The following PRELID3B variants were observed in gnomAD, a reference collection of about 807,000 sequenced individuals.
PRELID3B encodes the protein PRELI domain containing 3B, also known as PRELI domain containing protein 3B.
PRELID3B carries 15 observed loss-of-function variants against 24.0 expected under a neutral mutation model. The observed-to-expected ratio is 0.63, with a 90% CI of 0.42 to 0.96. The LOEUF is 0.96. Ranked by LOEUF, PRELID3B falls within the 40% of genes least tolerant of loss-of-function variation. PRELID3B has a pLI of 0.00. For synonymous variants in PRELID3B, 62 were observed against 76.0 expected, an observed-to-expected ratio of 0.82 and a Z score of 0.96; for missense variants, 189 against 236.0, an observed-to-expected ratio of 0.80 and a Z score of 1.30.
chr20:59,036,654 C>CA lies in PRELID3B; in HGVS notation c.362+35_362+36insT. 3 of 1,576,000 alleles carry CA rather than the reference C, an allele frequency of 1.9e-6. No individual in the cohort carries two copies. The South Asian group carries it at 3.3e-5, about 18-fold the overall frequency. On this transcript the variant is annotated intron_variant, in intron 4 of 5. Coordinates refer to ENST00000355937, the MANE Select transcript of PRELID3B (RefSeq NM_016045.3). ...ACTTGATAAAAAAACCTTAAACACC[C>CA]TTTACGATACATTTGTTAAAATATT...
chr20:59,035,015 C>T lies in PRELID3B; in HGVS notation c.577G>A (p.Glu193Lys). Residue 193 changes from glutamate (E) to lysine (K), a missense_variant, in exon 6 of 6, where the codon GAG becomes AAG. Coordinates refer to ENST00000355937, the MANE Select transcript of PRELID3B (RefSeq NM_016045.3). Reference sequence around the variant, plus strand: ...TCTACCAACTGTCACGATCACTTCTCTGCAAACGCTGCTGCTGCCATTGGA... The same window carrying T: ...TCTACCAACTGTCACGATCACTTCTTTGCAAACGCTGCTGCTGCCATTGGA... ...RTPMAAAAFA[E>K]K 1 of 1,613,356 alleles carries T rather than the reference C, an allele frequency of 6.2e-7. No homozygotes were observed. The highest frequency in any genetic ancestry group is 8.5e-7 in the Non-Finnish European group (1 of 1,179,728).
At chr20:59,037,950 A>T (rs2146392775) in intron 2 of PRELID3B, among the ~76,000 whole-genome samples, 1 of 152,356 alleles carries the variant, frequency 6.6e-6, no homozygotes, top group East Asian at 1.9e-4. Context: ...GCATTATGGT[A>T]AACTGGCATT....
chr20:59,038,699 A>G, intron 1 of PRELID3B, 65 bp from the exon 2 acceptor site: 2 of 1,494,112 alleles, frequency 1.3e-6, no homozygotes, highest in Non-Finnish European at 1.8e-6. Context: ...CATATGAGTT[A>G]AACAATTTTT....
At chr20:59,036,152 C>T in intron 5 of PRELID3B, among the ~76,000 whole-genome samples, 1 of 152,174 alleles carries the variant, frequency 6.6e-6, no homozygotes, top group Non-Finnish European at 1.5e-5. Flanking sequence ...AGCACTTCCT[C>T]AGTGCTGGGC....
At chr20:59,037,152 A>C (rs1174115107) in intron 3 of PRELID3B, 39 bp downstream of exon 3, 1 of 1,472,138 alleles carries the variant, frequency 6.8e-7, no homozygotes, top group Admixed American at 1.7e-5. Flanking sequence ...GAACTCAGCC[A>C]GACAGTTCGA....
rs769816754 is a variant in PRELID3B at position 59,034,972 on chromosome 20, C to G, written c.*35G>C. On this transcript the variant is annotated 3_prime_UTR_variant, in exon 6 of 6. Transcript: ENST00000355937. ...AAATATATAGTCAGTTTGGAGAGAC[C>G]TGGAGTACCCGATGTTGTCTACCAA... 1 of 1,584,956 alleles carries G rather than the reference C, an allele frequency of 6.3e-7. No homozygotes were observed. The highest frequency in any genetic ancestry group is 1.8e-5 in the Admixed American group (1 of 55,346).
chr20:59,035,065 G>C lies in PRELID3B; in HGVS notation c.527C>G (p.Ala176Gly), dbSNP rs201209679. Reference protein sequence around the residue: ...KLNAEIEELTASARGTIRTPM... With the variant: ...KLNAEIEELTGSARGTIRTPM... ...AGTCCTTATGGTTCCTCTTGCTGAG[G>C]CTGTCAGTTCTTCAATCTCAGCATT... The change falls in exon 6 of 6, where the codon GCC becomes GGC. Residue 176 changes from alanine (A) to glycine (G), a missense_variant. Physicochemically the swap from Ala to Gly is moderately conservative, Grantham distance 60. Transcript: ENST00000355937. 2.5e-3 allele frequency: 4,111 copies of C among 1,613,696 alleles called. 9 individuals are homozygous for C. Among genetic ancestry groups the C allele is most frequent in the Non-Finnish European group, 3.2e-3 (3,815 of 1,179,744 alleles).
In PRELID3B at chr20:59,036,506, G is replaced by A. The variant is rs773884458; in HGVS notation, c.430C>T (p.Leu144=). ...GVSLSSYLEG[L]MASTISSNAS... is the part of the protein sequence containing the mutation. ...TTTGAGGATATCGTACTTGCCATCA[G>A]TCCTTCAAGGTAACTGCTGAGGCTA... The change falls in exon 5 of 6, where the codon CTG becomes TTG. Residue 144 remains leucine (L), a synonymous_variant. Coordinates refer to ENST00000355937, the MANE Select transcript of PRELID3B (RefSeq NM_016045.3). 4 of 1,613,994 alleles carry A rather than the reference G, an allele frequency of 2.5e-6. No homozygotes were observed. The highest frequency in any genetic ancestry group is 3.4e-6 in the Non-Finnish European group (4 of 1,179,906).
At chr20:59,037,330 C>A in intron 2 of PRELID3B, 50 bp from the exon 3 acceptor site, 1 of 1,323,258 alleles carries the variant, frequency 7.6e-7, no homozygotes, top group Non-Finnish European at 1.1e-6. Flanking sequence ...AATTTCTTAC[C>A]AAGTCTATCA....
intron 3 of PRELID3B, 87 bp from the exon 4 acceptor site, chr20:59,036,847 T>A: frequency 1.2e-6 from 1 of 850,126 alleles, no homozygotes; most frequent in Non-Finnish European, 1.8e-6. Flanking sequence ...CAAGCCAAAA[T>A]CTTACTAAAC....
At chr20:59,042,152 C>T (rs1031636557) in intron 1 of PRELID3B, among the ~76,000 whole-genome samples, 1 of 152,202 alleles carries the variant, frequency 6.6e-6, no homozygotes, top group African/African-American at 2.4e-5. Context: ...ATTCCAAATC[C>T]AAGGCTCTGC....
At chr20:59,037,488 C>A (rs936782752) in intron 2 of PRELID3B, among the ~76,000 whole-genome samples, 1 of 152,160 alleles carries the variant, frequency 6.6e-6, no homozygotes, top group Non-Finnish European at 1.5e-5. Context: ...AAACTTTTCC[C>A]GGAGGCAATT....
At chr20:59,042,126 C>A (rs1043649268) in intron 1 of PRELID3B, among the ~76,000 whole-genome samples, 1 of 152,216 alleles carries the variant, frequency 6.6e-6, no homozygotes, top group East Asian at 1.9e-4. Context: ...TTGTTACAGC[C>A]AGAGCTAGAC....
At position 59,033,198 on chromosome 20, in the gene PRELID3B, C is replaced by G. The variant is rs570994553; in HGVS notation, c.*1809G>C. 3.9e-5 allele frequency: 6 copies of G among 152,266 alleles called. No homozygotes were observed. In the East Asian group the frequency reaches 9.6e-4, roughly 24 times the overall value. 9.4% of individuals were successfully genotyped at this position (152,266 alleles called of 1,614,324 possible). A position where few individuals can be genotyped will look rare whatever the true frequency, so the allele number is the denominator to read the frequency against. ...AAGTTTTCCTTAATTCACATTTCAA[C>G]TTTATTAAATAGTCCAAGGGTTTCA... On this transcript the variant is annotated 3_prime_UTR_variant, in exon 6 of 6. Transcript: ENST00000355937.
rs1217605865 is a variant in PRELID3B at position 59,033,592 on chromosome 20, TTAAG to T, written c.*1411_*1414del. On this transcript the variant is annotated 3_prime_UTR_variant, in exon 6 of 6. Coordinates refer to ENST00000355937, the MANE Select transcript of PRELID3B (RefSeq NM_016045.3). Reference sequence around the variant, plus strand: ...TAAGAAGTCTTAAGCTAAACAAAATTTAAGTAGGAAAACGATAATTTAAAAATAG... The same window carrying T: ...TAAGAAGTCTTAAGCTAAACAAAATTTAGGAAAACGATAATTTAAAAATAG... 6.6e-6 allele frequency: 1 copy of T among 152,214 alleles called. No homozygotes were observed. Among genetic ancestry groups the T allele is most frequent in the Non-Finnish European group, 1.5e-5 (1 of 68,032 alleles). The allele number at this position is 152,214 out of a possible 1,614,324, so 9.4% of individuals were successfully genotyped here.
At chr20:59,035,774 G>A (rs1202479573) in intron 5 of PRELID3B, among the ~76,000 whole-genome samples, 2 of 152,118 alleles carry the variant, frequency 1.3e-5, no homozygotes, top group African/African-American at 4.8e-5. Flanking sequence ...TTCCACGGGG[G>A]CAGGGACCAC....
chr20:59,034,890 C>CAAAAA lies in PRELID3B; in HGVS notation c.*112_*116dup, dbSNP rs34173406. 233 of 667,270 alleles carry CAAAAA rather than the reference C, an allele frequency of 3.5e-4. No homozygotes were observed. Among genetic ancestry groups the CAAAAA allele is most frequent in the East Asian group, 9.6e-4 (25 of 26,144 alleles). 41.3% of individuals were successfully genotyped at this position (667,270 alleles called of 1,614,324 possible). On this transcript the variant is annotated 3_prime_UTR_variant, in exon 6 of 6. Transcript: ENST00000355937. Reference sequence around the variant, plus strand: ...GTCACATAGCCTTACACCAACTTATCAAAAAAAAAAAAAAAAAAACTACCC... The same window carrying CAAAAA: ...GTCACATAGCCTTACACCAACTTATCAAAAAAAAAAAAAAAAAAAAAAAACTACCC...
In PRELID3B at chr20:59,037,859, C is replaced by T. The variant is rs1301684379; in HGVS notation, c.202-579G>A. On this transcript the variant is annotated intron_variant, in intron 2 of 5. Transcript: ENST00000355937. Reference sequence around the variant, plus strand: ...AGTACATTCCTATTGAAAATGTGTACTTTAGTTTTCTTAGTGAACCTACTC... The same window carrying T: ...AGTACATTCCTATTGAAAATGTGTATTTTAGTTTTCTTAGTGAACCTACTC... 2.0e-5 allele frequency among the ~76,000 whole-genome samples: 3 copies of T among 152,224 alleles called. No individual in the cohort carries two copies. The East Asian group carries it at 5.8e-4, about 29-fold the overall frequency.
Position 59,042,755 on chromosome 20 carries a change from C to T in PRELID3B, c.-25G>A. On this transcript the variant is annotated 5_prime_UTR_variant, in exon 1 of 6. Transcript: ENST00000355937. ...TGGTGCCGGCACCCTGAGAGATGTC[C>T]GGGTAGCGCCAGGGGACAACGAGGC... The T allele has an allele frequency of 6.3e-7, 1 of 1,596,984 alleles. No individual in the cohort carries two copies. The highest frequency in any genetic ancestry group is 8.5e-7 in the Non-Finnish European group (1 of 1,172,550).
Sources: allele counts gnomAD v4.1 joint callset (sites outside exome capture counted in the v4.1 genomes callset), GRCh38; gene constraint gnomAD v4.1.1; transcripts MANE v1.5; gene names NCBI Gene and HGNC (gene_info 2026-07-23, HGNC 2026-07-21).